Variants in KCNAB2 observed in about 807,000 individuals in gnomAD.
The protein encoded by KCNAB2 is voltage-gated potassium channel subunit beta-2.
A neutral mutation model predicts 63.6 loss-of-function variants in KCNAB2; 29 were observed. That is an observed-to-expected ratio of 0.46 (90% CI 0.34 to 0.62). KCNAB2 has a LOEUF of 0.62. Ranked by LOEUF, KCNAB2 falls within the 20% of genes least tolerant of loss-of-function variation. KCNAB2 has a pLI of 0.01. For synonymous variants in KCNAB2, 222 were observed against 224.2 expected (o/e 0.99, Z 0.09); for missense variants, 359 against 563.9 (o/e 0.64, Z 3.68).
chr1:6,097,396 C>T lies in KCNAB2; in HGVS notation c.1158+39C>T, dbSNP rs1434184979. ...GCCCTGCTGGGCAGAGGGCCCATCCCAGCCCGAGCCCCGTCCAGTGCATCC... is the reference window on the plus strand; with the variant it reads ...GCCCTGCTGGGCAGAGGGCCCATCCTAGCCCGAGCCCCGTCCAGTGCATCC... On this transcript the variant is annotated intron_variant, in intron 15 of 15. Transcript: ENST00000378083. The T allele has an allele frequency of 3.9e-6, 6 of 1,549,342 alleles. No homozygotes were observed. In the South Asian group the frequency reaches 5.9e-5, roughly 15 times the overall value.
chr1:6,064,799 C>T (rs1004321254), intron 2 of KCNAB2, among the ~76,000 whole-genome samples: 6 of 152,194 alleles, frequency 3.9e-5, no homozygotes, highest in African/African-American at 1.4e-4. Context: ...CAGCTCTGAC[C>T]AGGGTCCACC....
chr1:6,042,053 T>A (rs1477507495), upstream of KCNAB2, among the ~76,000 whole-genome samples: 6 of 152,030 alleles, frequency 3.9e-5, no homozygotes, highest in African/African-American at 1.4e-4. Context: ...AATGTCCTGA[T>A]GGAAAATGTG....
chr1:6,017,452 G>C (rs1342012356), intron 1 of KCNAB2, among the ~76,000 whole-genome samples: 1 of 151,424 alleles, frequency 6.6e-6, no homozygotes, highest in African/African-American at 2.4e-5. Context: ...TTTTAGTAGA[G>C]ATGGGTTTTC....
chr1:6,048,313 C>T lies in KCNAB2; in HGVS notation c.-27+2130C>T, dbSNP rs571653265. ...ATCATAATTGGTGTCTTATCCCACG[C>T]CCCCCAACAGACTGTCTTCTGGCTG... On this transcript the variant is annotated intron_variant, in intron 1 of 15. Coordinates refer to ENST00000378083, the MANE Select transcript of KCNAB2 (RefSeq NM_001199862.2). Among the ~76,000 whole-genome samples, 3 of 152,318 alleles carry T rather than the reference C, an allele frequency of 2.0e-5. No homozygotes were observed. The South Asian group carries it at 6.2e-4, about 32-fold the overall frequency.
intron 13 of KCNAB2, among the ~76,000 whole-genome samples, 164 bp downstream of exon 13, chr1:6,095,788 C>T (rs1420629378): frequency 2.6e-5 from 4 of 152,164 alleles, no homozygotes; most frequent in Non-Finnish European, 4.4e-5. Flanking sequence ...AACATGGAGC[C>T]CCTCCTGGCC....
intron 4 of KCNAB2, among the ~76,000 whole-genome samples, chr1:6,081,754 T>C (rs1259615450): frequency 6.6e-6 from 1 of 152,236 alleles, no homozygotes; most frequent in East Asian, 1.9e-4. Context: ...ACCAGTCACA[T>C]AGGGTGTAGG....
chr1:5,996,052 G>C (rs767588124), intron 1 of KCNAB2: 1 of 152,328 alleles, frequency 6.6e-6, no homozygotes, highest in Non-Finnish European at 1.5e-5. Flanking sequence ...CGGGTGACCC[G>C]CCATGTTCAG....
In KCNAB2 at chr1:6,078,526, C is replaced by T. The variant is rs570696399; in HGVS notation, c.301-3669C>T. Among the ~76,000 whole-genome samples, 10 of 151,942 alleles carry T rather than the reference C, an allele frequency of 6.6e-5. No individual in the cohort carries two copies. In the East Asian group the frequency reaches 9.7e-4, roughly 15 times the overall value. On this transcript the variant is annotated intron_variant, in intron 4 of 15. Coordinates refer to ENST00000378083, the MANE Select transcript of KCNAB2 (RefSeq NM_001199862.2). The surrounding 1 kb of genome is among the most constrained non-coding windows in gnomAD (Gnocchi z 4.2). ...CGTGGTGGTCCAGAGAAAGAGCCTT[C>T]GGGGGCCAAGGGGACAACCAAGGCA...
upstream of KCNAB2, among the ~76,000 whole-genome samples, chr1:6,044,996 C>G (rs1028599946): frequency 6.6e-6 from 1 of 152,168 alleles, no homozygotes; most frequent in African/African-American, 2.4e-5. Flanking sequence ...GGCCCCCCGA[C>G]CAGGGCGACA....
intron 1 of KCNAB2, among the ~76,000 whole-genome samples, chr1:6,039,485 G>A (rs1463659421): frequency 1.3e-5 from 2 of 152,182 alleles, no homozygotes; most frequent in East Asian, 3.9e-4. Context: ...AGCCAGAGAT[G>A]TGGGTGGACG....
In KCNAB2 at chr1:6,075,620, C is replaced by T. The variant is rs542215033; in HGVS notation, c.300+1850C>T. 1.7e-3 allele frequency among the ~76,000 whole-genome samples: 261 copies of T among 152,288 alleles called. 3 individuals are homozygous for T. The highest frequency in any genetic ancestry group is 6.2e-3 in the African/African-American group (256 of 41,558). On this transcript the variant is annotated intron_variant, in intron 4 of 15. Coordinates refer to ENST00000378083, the MANE Select transcript of KCNAB2 (RefSeq NM_001199862.2). ...CTAGAAGGGGGGGCCCGCCTGGCTG[C>T]GGTTCAGATGAAAAGGGTTTGTGCA... is the stretch of plus-strand genomic sequence containing the variant.
chr1:6,096,315 C>G lies in KCNAB2; in HGVS notation c.949-321C>G. The G allele has an allele frequency of 2.4e-6, 1 of 425,142 alleles. No homozygotes were observed. Among genetic ancestry groups the G allele is most frequent in the Non-Finnish European group, 4.4e-6 (1 of 225,286 alleles). 26.3% of individuals were successfully genotyped at this position (425,142 alleles called of 1,614,324 possible). On this transcript the variant is annotated intron_variant, in intron 13 of 15. Transcript: ENST00000378083. The surrounding 1 kb of genome is among the most constrained non-coding windows in gnomAD (Gnocchi z 5.9). ...TCTGGGCCACGGGTGGCAGCCGAGA[C>G]CCCAGGCTGCCAAGTTTCCTAAGAG...
At chr1:6,082,318 G>T (rs773193776) in intron 5 of KCNAB2, 44 bp downstream of exon 5, 1 of 1,469,042 alleles carries the variant, frequency 6.8e-7, no homozygotes, top group East Asian at 2.3e-5. Flanking sequence ...AGAATGCCTG[G>T]GCAGAGCCGG....
At chr1:6,084,551 C>T (rs555532187) in intron 5 of KCNAB2, among the ~76,000 whole-genome samples, 1 of 152,328 alleles carries the variant, frequency 6.6e-6, no homozygotes, top group Non-Finnish European at 1.5e-5. Flanking sequence ...CGCGGTGGCT[C>T]ACGCCTGGAA....
At chr1:6,094,191 A>G (rs1428737371) in intron 10 of KCNAB2, among the ~76,000 whole-genome samples, 1 of 152,170 alleles carries the variant, frequency 6.6e-6, no homozygotes, top group East Asian at 1.9e-4. Context: ...TTTCACGACC[A>G]ACTTCTAGGA....
chr1:6,005,742 C>T (rs369288180), intron 1 of KCNAB2, among the ~76,000 whole-genome samples: 1 of 151,942 alleles, frequency 6.6e-6, no homozygotes, highest in East Asian at 1.9e-4. Context: ...CGTGGGGAGA[C>T]AGGGCACAGC....
At chr1:6,042,828 G>GCCC (rs1660602552), upstream of KCNAB2, among the ~76,000 whole-genome samples, 5 of 32,644 alleles carry the variant, frequency 1.5e-4, no homozygotes, top group Admixed American at 1.3e-3. Context: ...TTCTCTCCCC[G>GCCC]CGCCCCCACT....
intron 2 of KCNAB2, among the ~76,000 whole-genome samples, chr1:6,061,006 C>G (rs868589727): frequency 6.6e-6 from 1 of 152,116 alleles, no homozygotes; most frequent in East Asian, 1.9e-4. Context: ...CCTTCCACTG[C>G]GAGCCTGTTG....
intron 4 of KCNAB2, among the ~76,000 whole-genome samples, chr1:6,080,393 G>A (rs542367827): frequency 2.2e-3 from 332 of 152,328 alleles, no homozygotes; most frequent in Middle Eastern, 0.02. Context: ...GGCTGGGGGG[G>A]CAGCAGCAGG....
Sources: allele counts gnomAD v4.1 joint callset (sites outside exome capture counted in the v4.1 genomes callset), GRCh38; gene constraint gnomAD v4.1.1; non-coding constraint Gnocchi (gnomAD v3.1); transcripts MANE v1.5; gene names NCBI Gene and HGNC (gene_info 2026-07-23, HGNC 2026-07-21).